The following NRG1 variants were observed in gnomAD, a reference collection of about 807,000 sequenced individuals.
The protein encoded by NRG1 is pro-neuregulin-1, membrane-bound isoform.
NRG1 carries 18 observed loss-of-function variants against 63.8 expected under a neutral mutation model. The ratio of observed to expected loss-of-function variants is 0.28; its 90% CI spans 0.19 to 0.42. The LOEUF (loss-of-function observed/expected upper bound fraction) is 0.42. NRG1 is among the 10% of genes least tolerant of loss of function. The pLI, the probability that NRG1 is intolerant of heterozygous loss-of-function variation, is 1.00. For missense variants in NRG1, 762 were observed against 814.7 expected, an observed-to-expected ratio of 0.94 and a Z score of 0.79; for synonymous variants, 302 against 301.3, an observed-to-expected ratio of 1.00 and a Z score of -0.02.
At chr8:31,728,780 A>AT (rs772421369) in intron 1 of NRG1, among the ~76,000 whole-genome samples, 13 of 152,190 alleles carry the variant, frequency 8.5e-5, no homozygotes, top group Non-Finnish European at 1.3e-4. Context: ...TTCTATGGTA[A>AT]TTTTTCACAA....
intron 1 of NRG1, among the ~76,000 whole-genome samples, chr8:31,904,710 G>A (rs529653594): frequency 1.4e-3 from 217 of 152,252 alleles, no homozygotes; most frequent in Non-Finnish European, 2.6e-3. Context: ...AAAAGAACAA[G>A]ATCATGCCCA....
intron 1 of NRG1, among the ~76,000 whole-genome samples, chr8:32,134,418 A>G (rs1427757224): frequency 6.6e-6 from 1 of 152,144 alleles, no homozygotes; most frequent in African/African-American, 2.4e-5. Flanking sequence ...TTTCATGTAC[A>G]TGCATCAATT....
Position 32,059,331 on chromosome 8 carries a change from T to G in NRG1, c.37+419900T>G, listed in dbSNP as rs1254646814. On this transcript the variant is annotated intron_variant, in intron 1 of 10. Transcript: ENST00000519301. Reference sequence around the variant, plus strand: ...AGTCGTCTTTCTCCCTACTCCACACTGGACTTACAACTCCTAGACATCGTG... The same window carrying G: ...AGTCGTCTTTCTCCCTACTCCACACGGGACTTACAACTCCTAGACATCGTG... Among the ~76,000 whole-genome samples the G allele has an allele frequency of 3.3e-5, 5 of 151,930 alleles. No individual in the cohort carries two copies. The East Asian group carries it at 9.8e-4, about 30-fold the overall frequency.
intron 5 of NRG1, among the ~76,000 whole-genome samples, chr8:32,640,245 T>TCTCACACACA (rs141612874): frequency 4.1e-5 from 6 of 147,648 alleles, no homozygotes; most frequent in Admixed American, 1.4e-4. Flanking sequence ...CTTCTTTTTG[T>TCTCACACACA]CACACACACA....
At chr8:32,594,826 C>G (rs1843085393) in intron 1 of NRG1, among the ~76,000 whole-genome samples, 1 of 152,144 alleles carries the variant, frequency 6.6e-6, no homozygotes, top group African/African-American at 2.4e-5. Context: ...TAGTGGTCAT[C>G]TGGAATGGTC....
At chr8:32,470,232 G>C (rs1257147245) in intron 1 of NRG1, among the ~76,000 whole-genome samples, 6 of 131,332 alleles carry the variant, frequency 4.6e-5, no homozygotes, top group African/African-American at 1.2e-4. Flanking sequence ...CCAGGCTGGA[G>C]TGCAGTGGCG....
intron 5 of NRG1, among the ~76,000 whole-genome samples, chr8:32,694,564 A>G (rs1769129814): frequency 6.6e-6 from 1 of 152,218 alleles, no homozygotes; most frequent in Non-Finnish European, 1.5e-5. Context: ...CTCATATCAC[A>G]TATTTTAATT....
intron 1 of NRG1, among the ~76,000 whole-genome samples, chr8:32,186,565 C>T (rs1841994635): frequency 6.6e-6 from 1 of 152,116 alleles, no homozygotes; most frequent in Non-Finnish European, 1.5e-5. Flanking sequence ...CAGTTCAGCC[C>T]CTTCTCTGCT....
At chr8:32,274,470 G>A (rs2129472691) in intron 1 of NRG1, among the ~76,000 whole-genome samples, 1 of 152,278 alleles carries the variant, frequency 6.6e-6, no homozygotes, top group South Asian at 2.1e-4. Flanking sequence ...TGAGCAAAAT[G>A]TTTTTACACA....
chr8:31,692,678 A>G (rs1222196647), intron 1 of NRG1, among the ~76,000 whole-genome samples: 1 of 152,222 alleles, frequency 6.6e-6, no homozygotes, highest in African/African-American at 2.4e-5. Flanking sequence ...TTCTACAAAT[A>G]GGACAGCCAC....
At chr8:32,555,350 C>A (rs1834920894) in intron 1 of NRG1, among the ~76,000 whole-genome samples, 1 of 152,228 alleles carries the variant, frequency 6.6e-6, no homozygotes, top group African/African-American at 2.4e-5. Context: ...GTTTTCATCT[C>A]TTCCTATCTC....
intron 1 of NRG1, among the ~76,000 whole-genome samples, chr8:31,999,436 G>A (rs1025580736): frequency 1.1e-4 from 17 of 151,868 alleles, no homozygotes; most frequent in African/African-American, 3.9e-4. Context: ...TATATATTTT[G>A]ACACATACCA....
intron 1 of NRG1, among the ~76,000 whole-genome samples, chr8:32,522,808 C>CTTTTTTTTT: frequency 7.2e-6 from 1 of 139,472 alleles, no homozygotes. Context: ...CCCAATTTGC[C>CTTTTTTTTT]TTTTTTTTTT....
chr8:32,009,132 C>T (rs924108523), intron 1 of NRG1, among the ~76,000 whole-genome samples: 33 of 152,040 alleles, frequency 2.2e-4, no homozygotes, highest in African/African-American at 6.5e-4. Flanking sequence ...ATGCAATCTA[C>T]CTGTAAGATT....
chr8:31,995,539 C>T (rs1318417354), intron 1 of NRG1, among the ~76,000 whole-genome samples: 3 of 151,958 alleles, frequency 2.0e-5, no homozygotes, highest in Non-Finnish European at 4.4e-5. Context: ...TGCCACTCTT[C>T]TTCACTTACT....
rs555415616 is a variant in NRG1 at position 32,191,998 on chromosome 8, T to A, written c.38-403830T>A. ...ACATGGACCCACTTCAGGTCCTTTC[T>A]GCTGGCTCTGGTCTGTCATAGGTAC... On this transcript the variant is annotated intron_variant, in intron 1 of 10. Coordinates refer to the NRG1 transcript ENST00000519301. 345 of 152,400 alleles carry A rather than the reference T, an allele frequency of 2.3e-3. 4 individuals carry two copies. The highest frequency in any genetic ancestry group is 7.8e-3 in the African/African-American group (326 of 41,582). The allele number at this position is 152,400 out of a possible 1,614,324, so 9.4% of individuals were successfully genotyped here.
intron 1 of NRG1, among the ~76,000 whole-genome samples, chr8:32,592,898 C>T (rs1842763749): frequency 6.6e-6 from 1 of 152,228 alleles, no homozygotes; most frequent in African/African-American, 2.4e-5. Flanking sequence ...TAGCAGCCTA[C>T]TGTTGACTGG....
At chr8:32,066,130 G>C (rs1163110366) in intron 1 of NRG1, among the ~76,000 whole-genome samples, 1 of 152,212 alleles carries the variant, frequency 6.6e-6, no homozygotes, top group Non-Finnish European at 1.5e-5. Flanking sequence ...CTCCCATTCT[G>C]TAGGTTGCCT....
At chr8:31,679,710 G>A (rs1808117011) in intron 1 of NRG1, among the ~76,000 whole-genome samples, 1 of 151,960 alleles carries the variant, frequency 6.6e-6, no homozygotes, top group Non-Finnish European at 1.5e-5. Context: ...GGAAATTCTA[G>A]CTAAAACAAT....
Sources: gnomAD v4.1 joint callset for allele counts (sites outside exome capture counted in the v4.1 genomes callset) on GRCh38, gnomAD v4.1.1 for gene constraint, MANE v1.5 for transcripts, NCBI Gene and HGNC (gene_info 2026-07-23, HGNC 2026-07-21) for gene names.